DNAH9: variants seen among roughly 807,000 people sequenced by gnomAD.
DNAH9 encodes the protein DNAH9 variant protein.
In DNAH9, 345 loss-of-function variants were observed where a neutral mutation model predicts 471.6. That is an observed-to-expected ratio of 0.73 (90% CI 0.67 to 0.80). The LOEUF is 0.80. Among genes scored for constraint, DNAH9 ranks in the 30% least tolerant of loss-of-function variants. DNAH9 has a pLI of 0.00. For missense variants in DNAH9, 5,407 were observed against 5,609.2 expected (o/e 0.96, Z 1.15); for synonymous variants, 2,093 against 2,123.6 (o/e 0.99, Z 0.40).
Position 11,617,463 on chromosome 17 carries a change from C to T in DNAH9, c.957C>T (p.His319=), listed in dbSNP as rs769256686. The change falls in exon 5 of 69, where the codon CAC becomes CAT. Residue 319 remains histidine, a synonymous_variant. Coordinates refer to ENST00000262442, the MANE Select transcript of DNAH9 (RefSeq NM_001372.4). The part of the protein sequence containing the change: ...IHVHLIPLQR[H]LEALENAEFP... ...TGCACCTGATACCGCTCCAGCGCCA[C>T]CTGGAAGCTCTGGAGAATGCAGAAT... The T allele has an allele frequency of 6.2e-7, 1 of 1,614,212 alleles. No homozygotes were observed. Among genetic ancestry groups the T allele is most frequent in the Non-Finnish European group, 8.5e-7 (1 of 1,180,038 alleles).
intron 6 of DNAH9, among the ~76,000 whole-genome samples, chr17:11,625,443 T>A (rs753015177): frequency 5.9e-5 from 9 of 152,214 alleles, no homozygotes; most frequent in Non-Finnish European, 1.2e-4. Flanking sequence ...TGTGGTCACA[T>A]AGGAGACCAT....
rs566812981 is a variant in DNAH9, at chr17:11,809,669, C to T, written c.8584-577C>T. 2.0e-5 allele frequency among the ~76,000 whole-genome samples: 3 copies of T among 152,270 alleles called. No homozygotes were observed. In the South Asian group the frequency reaches 6.2e-4, roughly 32 times the overall value. On this transcript the variant is annotated intron_variant, in intron 44 of 68. Coordinates refer to ENST00000262442, the MANE Select transcript of DNAH9 (RefSeq NM_001372.4). ...CAAGTACCTCACTCTCAGTCAAGAC[C>T]AAGAGCAATGGCTTGCCTTCAGGAG...
chr17:11,874,952 C>T lies in DNAH9; in HGVS notation c.10246C>T (p.Pro3416Ser), dbSNP rs1283169665. 3 of 1,612,610 alleles carry T rather than the reference C, an allele frequency of 1.9e-6. No homozygotes were observed. In the African/African-American group the frequency reaches 4.0e-5, roughly 22 times the overall value. ...WRPYLSQLKT[P>S]IPVTPALDPL... ...GGTGGTGTTTCTTCTTCACCAGACT[C>T]CCATTCCAGTCACCCCAGCCCTGGA... The change falls in exon 53 of 69, where the codon CCC becomes TCC. Residue 3416 changes from proline to serine, a missense_variant. Around this residue, in one of 3 missense-constraint regions of DNAH9, gnomAD observed 4,636 missense variants for 4,900.3 expected, o/e 0.95. Transcript: ENST00000262442.
chr17:11,944,419 G>A (rs1975045103), intron 67 of DNAH9, among the ~76,000 whole-genome samples: 1 of 152,252 alleles, frequency 6.6e-6, no homozygotes. Context: ...GGAAGGGTAG[G>A]GTTGTGACAG....
chr17:11,602,035 C>A (rs1468394138), intron 1 of DNAH9, among the ~76,000 whole-genome samples: 1 of 152,196 alleles, frequency 6.6e-6, no homozygotes, highest in Non-Finnish European at 1.5e-5. Context: ...AACTTGTTCT[C>A]CTACTTCCTT....
intron 10 of DNAH9, among the ~76,000 whole-genome samples, chr17:11,642,387 C>T (rs2150687817): frequency 6.7e-6 from 1 of 150,286 alleles, no homozygotes; most frequent in African/African-American, 2.4e-5. Flanking sequence ...AAAATACAAA[C>T]AATTAGCCAG....
At chr17:11,688,947 TTA>T (rs1456752757) in intron 19 of DNAH9, among the ~76,000 whole-genome samples, 1 of 151,832 alleles carries the variant, frequency 6.6e-6, no homozygotes, top group Non-Finnish European at 1.5e-5. Context: ...AACACAAAAA[TTA>T]GCCAGGCATG....
chr17:11,644,303 A>G (rs910633592), intron 10 of DNAH9, among the ~76,000 whole-genome samples: 2 of 152,146 alleles, frequency 1.3e-5, no homozygotes, highest in African/African-American at 4.8e-5. Context: ...ATTTTTTCAT[A>G]TCTCAATTTC....
At chr17:11,950,598 G>C (rs139675781) in intron 67 of DNAH9, among the ~76,000 whole-genome samples, 2 of 152,210 alleles carry the variant, frequency 1.3e-5, no homozygotes, top group South Asian at 2.1e-4. Flanking sequence ...CCAACTACTG[G>C]TGTGAAACGA....
At chr17:11,830,595 T>A (rs1328390749) in intron 48 of DNAH9, among the ~76,000 whole-genome samples, 1 of 151,970 alleles carries the variant, frequency 6.6e-6, no homozygotes, top group East Asian at 1.9e-4. Flanking sequence ...GAAGGGAAGA[T>A]GGGAAGGGAC....
At chr17:11,774,773 C>T (rs561651985) in intron 38 of DNAH9, among the ~76,000 whole-genome samples, 5 of 152,062 alleles carry the variant, frequency 3.3e-5, no homozygotes, top group Non-Finnish European at 7.4e-5. Context: ...GCATAGAATT[C>T]CATTGTGTGA....
At chr17:11,787,913 T>C (rs901255979) in intron 41 of DNAH9, among the ~76,000 whole-genome samples, 11 of 152,280 alleles carry the variant, frequency 7.2e-5, no homozygotes, top group African/African-American at 2.6e-4. Context: ...GCCTCCCCAG[T>C]CATGTGGAAC....
intron 26 of DNAH9, among the ~76,000 whole-genome samples, chr17:11,706,340 A>G (rs1157668805): frequency 1.3e-5 from 2 of 152,144 alleles, no homozygotes; most frequent in East Asian, 1.9e-4. Context: ...TAATTCACAC[A>G]TGAATGAATT....
intron 41 of DNAH9, among the ~76,000 whole-genome samples, chr17:11,789,346 T>C (rs976953079): frequency 8.5e-5 from 13 of 152,058 alleles, no homozygotes; most frequent in Non-Finnish European, 1.2e-4. Flanking sequence ...GGTAGAGGTT[T>C]TAAATTATAA....
At chr17:11,755,576 T>C (rs865831194) in intron 33 of DNAH9, among the ~76,000 whole-genome samples, 1 of 152,196 alleles carries the variant, frequency 6.6e-6, no homozygotes, top group Non-Finnish European at 1.5e-5. Flanking sequence ...ATATGAAATG[T>C]AAGTTCTTTT....
At position 11,689,725 on chromosome 17, in the gene DNAH9, G is replaced by C. The variant is rs759339818; in HGVS notation, c.3903G>C (p.Gln1301His). ...QLRQCRKEVC[Q>H]LKELWDTIGM... is the part of the protein sequence containing the mutation. The stretch of plus-strand genomic sequence containing the variant: ...GGCAGTGCAGGAAGGAGGTCTGCCA[G>C]CTGAAGGAGCTCTGGGACACCATTG... Residue 1301 changes from glutamine (Q) to histidine (H), a missense_variant, in exon 20 of 69, where the codon CAG becomes CAC. Gln to His is a conservative substitution (Grantham distance 24). Transcript: ENST00000262442. The C allele has an allele frequency of 6.8e-5, 109 of 1,614,080 alleles. No homozygotes were observed. The highest frequency in any genetic ancestry group is 8.2e-5 in the Non-Finnish European group (97 of 1,180,032).
At position 11,932,228 on chromosome 17, in the gene DNAH9, G is replaced by C; in HGVS notation, c.12297+23G>C. ...AAGGTAAAGGCCATGGACATTCAGG[G>C]ACCAGCCAGGTTGGGAGAGGGTTAA... On this transcript the variant is annotated intron_variant, in intron 64 of 68. Coordinates refer to ENST00000262442, the MANE Select transcript of DNAH9 (RefSeq NM_001372.4). The surrounding 1 kb of genome is among the most constrained non-coding windows in gnomAD (Gnocchi z 4.3). 1 of 1,606,582 alleles carries C rather than the reference G, an allele frequency of 6.2e-7. No homozygotes were observed. The highest frequency in any genetic ancestry group is 8.5e-7 in the Non-Finnish European group (1 of 1,174,878).
intron 67 of DNAH9, among the ~76,000 whole-genome samples, chr17:11,951,003 G>A (rs1196062110): frequency 6.6e-6 from 1 of 152,146 alleles, no homozygotes; most frequent in East Asian, 1.9e-4. Flanking sequence ...GGTGACTCCA[G>A]AATGGGGCCT....
chr17:11,938,978 C>G (rs1974807055), intron 66 of DNAH9, among the ~76,000 whole-genome samples: 2 of 152,220 alleles, frequency 1.3e-5, no homozygotes, highest in African/African-American at 4.8e-5. Flanking sequence ...CTTTTAGCCT[C>G]TAGAGACTGA....
Sources: allele counts gnomAD v4.1 joint callset (sites outside exome capture counted in the v4.1 genomes callset), GRCh38; gene constraint gnomAD v4.1.1; regional missense constraint gnomAD v4.1.1; non-coding constraint Gnocchi (gnomAD v3.1); transcripts MANE v1.5; gene names NCBI Gene and HGNC (gene_info 2026-07-23, HGNC 2026-07-21).